PARD3B: variants seen among roughly 807,000 people sequenced by gnomAD.
PARD3B encodes the protein partitioning defective 3 homolog B.
Under a neutral mutation model 130.2 loss-of-function variants are expected in PARD3B, and 103 were observed. That is an observed-to-expected ratio of 0.79 (90% confidence interval 0.67 to 0.93). PARD3B has a LOEUF of 0.93. Ranked by LOEUF, PARD3B falls within the 40% of genes least tolerant of loss-of-function variation. PARD3B has a pLI of 0.00. For missense variants in PARD3B, 1,609 were observed against 1,499.2 expected, an observed-to-expected ratio of 1.07 and a Z score of -1.21; for synonymous variants, 583 against 553.2, an observed-to-expected ratio of 1.05 and a Z score of -0.76.
chr2:204,771,580 C>T (rs1432373724), intron 2 of PARD3B, among the ~76,000 whole-genome samples: 1 of 152,074 alleles, frequency 6.6e-6, no homozygotes, highest in Non-Finnish European at 1.5e-5. Context: ...ATGCTCACCA[C>T]CTGGGTGATG....
chr2:204,662,359 C>A (rs541997269), intron 1 of PARD3B, among the ~76,000 whole-genome samples: 18 of 152,188 alleles, frequency 1.2e-4, no homozygotes, highest in Non-Finnish European at 5.9e-5. Context: ...TTATTATTGG[C>A]AACAGATACA....
intron 2 of PARD3B, among the ~76,000 whole-genome samples, chr2:204,732,857 AG>A (rs1441498999): frequency 2.6e-5 from 4 of 152,212 alleles, no homozygotes; most frequent in Non-Finnish European, 4.4e-5. Flanking sequence ...TTGATAAAAA[AG>A]AGTTTTTCAG....
intron 10 of PARD3B, among the ~76,000 whole-genome samples, chr2:205,140,455 T>TG (rs1255521809): frequency 4.5e-5 from 4 of 87,964 alleles, no homozygotes; most frequent in Admixed American, 1.6e-4. Context: ...GTCCAGAGAG[T>TG]GAAAAAAAAA....
At chr2:205,382,929 T>A (rs538482254) in intron 18 of PARD3B, among the ~76,000 whole-genome samples, 8 of 151,922 alleles carry the variant, frequency 5.3e-5, no homozygotes, top group Non-Finnish European at 1.0e-4. Context: ...TAAGTTTACC[T>A]CATAGGTTCC....
chr2:204,873,312 T>C (rs1237936673), intron 2 of PARD3B, among the ~76,000 whole-genome samples: 2 of 152,158 alleles, frequency 1.3e-5, no homozygotes, highest in Non-Finnish European at 2.9e-5. Context: ...ACAACAGTAA[T>C]ATATGGCGAA....
At chr2:205,317,320 G>T (rs1354308194) in intron 18 of PARD3B, among the ~76,000 whole-genome samples, 1 of 152,112 alleles carries the variant, frequency 6.6e-6, no homozygotes, top group African/African-American at 2.4e-5. Flanking sequence ...CATGTATTTG[G>T]TCACTGATTG....
intron 2 of PARD3B, among the ~76,000 whole-genome samples, chr2:204,737,251 A>C (rs2039799825): frequency 6.6e-6 from 1 of 152,244 alleles, no homozygotes; most frequent in Non-Finnish European, 1.5e-5. Flanking sequence ...GGCATGAGCC[A>C]CTGCGTCCCA....
intron 22 of PARD3B, among the ~76,000 whole-genome samples, chr2:205,588,807 A>C (rs1235677997): frequency 1.3e-5 from 2 of 152,234 alleles, no homozygotes; most frequent in African/African-American, 4.8e-5. Context: ...GCGGAGCTTC[A>C]GTTCTTAGGA....
intron 18 of PARD3B, among the ~76,000 whole-genome samples, chr2:205,310,359 A>T (rs1267543305): frequency 6.6e-6 from 1 of 151,604 alleles, no homozygotes; most frequent in Non-Finnish European, 1.5e-5. Context: ...GTGCTGGGAA[A>T]TCTACTCTTT....
chr2:204,822,300 T>C (rs892558522), intron 2 of PARD3B, among the ~76,000 whole-genome samples: 11 of 152,230 alleles, frequency 7.2e-5, no homozygotes, highest in African/African-American at 2.4e-4. Flanking sequence ...TGCAATCTTA[T>C]GATGAAACTA....
chr2:204,865,112 T>TA (rs545446933), intron 2 of PARD3B, among the ~76,000 whole-genome samples: 326 of 150,898 alleles, frequency 2.2e-3, no homozygotes, highest in Admixed American at 5.0e-3. Context: ...ACGGCCATAA[T>TA]AAAAAAAAAT....
At chr2:205,096,004 T>C (rs1702372499) in intron 4 of PARD3B, among the ~76,000 whole-genome samples, 1 of 152,234 alleles carries the variant, frequency 6.6e-6, no homozygotes, top group East Asian at 1.9e-4. Flanking sequence ...GTATGCTTCA[T>C]GCCATAGATT....
intron 2 of PARD3B, among the ~76,000 whole-genome samples, chr2:204,722,053 A>G (rs949551634): frequency 6.6e-6 from 1 of 152,210 alleles, no homozygotes; most frequent in Non-Finnish European, 1.5e-5. Context: ...TTAGATAATC[A>G]TTAATGTTTA....
At chr2:204,945,284 A>G (rs976702532) in intron 2 of PARD3B, among the ~76,000 whole-genome samples, 4 of 152,146 alleles carry the variant, frequency 2.6e-5, no homozygotes, top group African/African-American at 9.7e-5. Flanking sequence ...GATGGACTAG[A>G]AAATTGGGGT....
In PARD3B at chr2:205,585,944, C is replaced by G. The variant is rs1464486701; in HGVS notation, c.3261-29512C>G. Among the ~76,000 whole-genome samples the G allele has an allele frequency of 6.6e-6, 1 of 152,158 alleles. No individual in the cohort carries two copies. The highest frequency in any genetic ancestry group is 1.9e-4 in the East Asian group (1 of 5,198). ...CCTACGTCCACAATAAACCAACAGT[C>G]CAGGCATTGGTTTCTGAGCTTTCAG... On this transcript the variant is annotated intron_variant, in intron 22 of 22. Coordinates refer to ENST00000406610, the MANE Select transcript of PARD3B (RefSeq NM_001302769.2). The surrounding 1 kb of genome is among the most constrained non-coding windows in gnomAD (Gnocchi z 5.4).
intron 20 of PARD3B, among the ~76,000 whole-genome samples, chr2:205,449,999 T>G (rs2048042402): frequency 6.6e-6 from 1 of 152,204 alleles, no homozygotes; most frequent in Admixed American, 6.5e-5. Flanking sequence ...GACTATAGAT[T>G]TATCTTTCCA....
intron 22 of PARD3B, among the ~76,000 whole-genome samples, chr2:205,571,482 G>T (rs2053559664): frequency 6.6e-6 from 1 of 152,198 alleles, no homozygotes; most frequent in Admixed American, 6.5e-5. Context: ...GCAGCTGTTG[G>T]ACCACCTTTT....
chr2:204,762,249 G>A lies in PARD3B; in HGVS notation c.222+75967G>A, dbSNP rs546426708. Among the ~76,000 whole-genome samples, 13 of 151,014 alleles carry A rather than the reference G, an allele frequency of 8.6e-5. No homozygotes were observed. The East Asian group carries it at 2.6e-3, about 30-fold the overall frequency. ...TGATTCTCCTGCCTCAGCCTCCTGAGTAGGTGGGAGTACAGGCACGTGCCA... is the reference window on the plus strand; with the variant it reads ...TGATTCTCCTGCCTCAGCCTCCTGAATAGGTGGGAGTACAGGCACGTGCCA... On this transcript the variant is annotated intron_variant, in intron 2 of 22. Transcript: ENST00000406610.
rs2035879275 is a variant in PARD3B at position 205,183,010 on chromosome 2, A to G, written c.1925-2754A>G. 1.3e-5 allele frequency among the ~76,000 whole-genome samples: 2 copies of G among 152,156 alleles called. No homozygotes were observed. Among genetic ancestry groups the G allele is most frequent in the Admixed American group, 1.3e-4 (2 of 15,282 alleles). On this transcript the variant is annotated intron_variant, in intron 13 of 22. Coordinates refer to ENST00000406610, the MANE Select transcript of PARD3B (RefSeq NM_001302769.2). The surrounding 1 kb of genome is among the most constrained non-coding windows in gnomAD (Gnocchi z 5.2). Reference sequence around the variant, plus strand: ...TGTCCAGCCGTATGCCCAGGAAGAGAGGAAGAGCACGGATAGAGTGGGCAC... The same window carrying G: ...TGTCCAGCCGTATGCCCAGGAAGAGGGGAAGAGCACGGATAGAGTGGGCAC...
Sources: allele counts gnomAD v4.1 joint callset (sites outside exome capture counted in the v4.1 genomes callset), GRCh38; gene constraint gnomAD v4.1.1; non-coding constraint Gnocchi (gnomAD v3.1); transcripts MANE v1.5; gene names NCBI Gene and HGNC (gene_info 2026-07-23, HGNC 2026-07-21).